The following WDR47 variants were observed in gnomAD, a reference collection of about 807,000 sequenced individuals.
The protein encoded by WDR47 is WD repeat-containing protein 47.
A neutral mutation model predicts 97.2 loss-of-function variants in WDR47; 32 were observed. The observed-to-expected ratio is 0.33, with a 90% CI of 0.25 to 0.44. WDR47 has a LOEUF of 0.44. WDR47 is among the 20% of genes least tolerant of loss of function. WDR47 has a pLI of 1.00. For synonymous variants in WDR47, 375 were observed against 373.5 expected (o/e 1.00, Z -0.05); for missense variants, 782 against 1,102.3 (o/e 0.71, Z 4.11).
At position 109,011,638 on chromosome 1, in the gene WDR47, C is replaced by T. The variant is rs367672260; in HGVS notation, c.408G>A (p.Lys136=). ...GAGGCAAAGTCAAAAGCAAACAGAGCTTACTATAGTCATCTTTAGAAGGAC... is the reference window on the plus strand; with the variant it reads ...GAGGCAAAGTCAAAAGCAAACAGAGTTTACTATAGTCATCTTTAGAAGGAC... ...EYCPSKDDYS[K]LCLLLTLPRL... The change falls in exon 5 of 15, where the codon AAG becomes AAA. Residue 136 remains lysine (K), a synonymous_variant. Coordinates refer to ENST00000369962, the MANE Select transcript of WDR47 (RefSeq NM_001142551.2). 1 of 1,614,152 alleles carries T rather than the reference C, an allele frequency of 6.2e-7. No homozygotes were observed. The highest frequency in any genetic ancestry group is 2.2e-5 in the East Asian group (1 of 44,890).
At chr1:109,013,404 T>C (rs1661185759) in intron 4 of WDR47, among the ~76,000 whole-genome samples, 1 of 152,132 alleles carries the variant, frequency 6.6e-6, no homozygotes, top group African/African-American at 2.4e-5. Flanking sequence ...TCAAAATGAA[T>C]TTAATTTCAT....
At chr1:109,022,588 T>A (rs998932376) in intron 2 of WDR47, among the ~76,000 whole-genome samples, 1 of 152,128 alleles carries the variant, frequency 6.6e-6, no homozygotes, top group Non-Finnish European at 1.5e-5. Flanking sequence ...TCCTTTTTTT[T>A]ATTTTTGTAT....
At position 109,025,378 on chromosome 1, in the gene WDR47, C is replaced by T. The variant is rs565149925; in HGVS notation, c.-9-1857G>A. ...CCCCAGAAGTTGAGGCTACAGTGAGCGGTGATCATACCACTGCACTCCAGC... is the reference window on the plus strand; with the variant it reads ...CCCCAGAAGTTGAGGCTACAGTGAGTGGTGATCATACCACTGCACTCCAGC... On this transcript the variant is annotated intron_variant, in intron 1 of 14. Coordinates refer to ENST00000369962, the MANE Select transcript of WDR47 (RefSeq NM_001142551.2). Among the ~76,000 whole-genome samples, 128 of 143,536 alleles carry T rather than the reference C, an allele frequency of 8.9e-4. 1 individual carries two copies. Among genetic ancestry groups the T allele is most frequent in the African/African-American group, 3.2e-3 (121 of 38,358 alleles). The allele number at this position is 143,536 out of a possible 152,430, so 94.2% of individuals were successfully genotyped here.
chr1:109,031,676 G>C (rs1662612740), intron 1 of WDR47, among the ~76,000 whole-genome samples: 1 of 138,284 alleles, frequency 7.2e-6, no homozygotes, highest in African/African-American at 2.6e-5. Context: ...ACTACTAGAA[G>C]GAATTAGTAA....
chr1:108,985,868 A>C (rs1386105274), intron 10 of WDR47, among the ~76,000 whole-genome samples: 2 of 152,074 alleles, frequency 1.3e-5, no homozygotes, highest in African/African-American at 4.8e-5. Context: ...AGCACCAGTA[A>C]ATTATAATAC....
At chr1:109,035,327 A>C (rs184111673) in intron 1 of WDR47, among the ~76,000 whole-genome samples, 3 of 151,622 alleles carry the variant, frequency 2.0e-5, no homozygotes, top group African/African-American at 7.2e-5. Context: ...TTATCTCTGA[A>C]GAAAGGCATG....
intron 1 of WDR47, among the ~76,000 whole-genome samples, chr1:109,037,591 C>T (rs1034219425): frequency 7.6e-5 from 11 of 143,922 alleles, no homozygotes; most frequent in African/African-American, 2.6e-4. Flanking sequence ...CGCACCACTG[C>T]ACTCCAGCCT....
intron 6 of WDR47, among the ~76,000 whole-genome samples, chr1:109,003,397 T>C (rs1660356913): frequency 6.6e-6 from 1 of 152,220 alleles, no homozygotes; most frequent in Non-Finnish European, 1.5e-5. Flanking sequence ...TTTAATTTTT[T>C]TCTTGCATTG....
At chr1:109,041,828 A>C (rs969336795) in intron 1 of WDR47, 34 bp downstream of exon 1, 56 of 152,364 alleles carry the variant, frequency 3.7e-4, no homozygotes, top group African/African-American at 1.3e-3. Flanking sequence ...TGTGCAGCGG[A>C]CCGACCCAGC....
intron 5 of WDR47, among the ~76,000 whole-genome samples, chr1:109,006,232 TA>T (rs1376882596): frequency 6.6e-6 from 1 of 152,050 alleles, no homozygotes; most frequent in African/African-American, 2.4e-5. Flanking sequence ...CCGTCTCTAC[TA>T]AAAATACAAA....
chr1:109,036,034 A>G (rs1427770404), intron 1 of WDR47, among the ~76,000 whole-genome samples: 1 of 152,106 alleles, frequency 6.6e-6, no homozygotes, highest in Non-Finnish European at 1.5e-5. Flanking sequence ...AAAATGAAAA[A>G]TATATACATA....
In WDR47 at chr1:109,029,875, C is replaced by CA. The variant is rs1423020814; in HGVS notation, c.-9-6355dup. On this transcript the variant is annotated intron_variant, in intron 1 of 14. Coordinates refer to ENST00000369962, the MANE Select transcript of WDR47 (RefSeq NM_001142551.2). ...TGGGCAACAGAGAAAGACTTCGTCT[C>CA]AAAAAAAAAAAAAGAAAGAAAGAAA... Among the ~76,000 whole-genome samples the CA allele has an allele frequency of 2.2e-3, 208 of 96,002 alleles. 1 individual carries two copies. Among genetic ancestry groups the CA allele is most frequent in the East Asian group, 9.8e-3 (35 of 3,554 alleles). The allele number at this position is 96,002 out of a possible 152,430, so 63.0% of individuals were successfully genotyped here.
At chr1:108,990,000 AT>A (rs1193110899) in intron 9 of WDR47, among the ~76,000 whole-genome samples, 7 of 152,010 alleles carry the variant, frequency 4.6e-5, no homozygotes, top group Non-Finnish European at 4.4e-5. Flanking sequence ...CAGCCTTAAA[AT>A]TTTTTTAAAT....
At chr1:109,004,516 T>G in intron 6 of WDR47, 76 bp downstream of exon 6, 1 of 1,465,288 alleles carries the variant, frequency 6.8e-7, no homozygotes, top group Non-Finnish European at 9.1e-7. Flanking sequence ...GAAAATTCTT[T>G]TTACATTCTA....
intron 1 of WDR47, among the ~76,000 whole-genome samples, chr1:109,034,975 A>G (rs1312388874): frequency 6.6e-6 from 1 of 151,990 alleles, no homozygotes; most frequent in Admixed American, 6.6e-5. Flanking sequence ...AAGGTCTGAG[A>G]CCGGGCACAG....
intron 1 of WDR47, among the ~76,000 whole-genome samples, chr1:109,030,481 C>G (rs1662545290): frequency 6.6e-6 from 1 of 152,046 alleles, no homozygotes; most frequent in Admixed American, 6.6e-5. Flanking sequence ...CCAAGAATTA[C>G]TATAAATATA....
At chr1:108,978,991 AG>A (rs1658136877) in intron 13 of WDR47, among the ~76,000 whole-genome samples, 1 of 152,224 alleles carries the variant, frequency 6.6e-6, no homozygotes, top group Non-Finnish European at 1.5e-5. Context: ...AAGAACTGGA[AG>A]GGGGATAAGG....
rs1659334044 is a variant in WDR47, at chr1:108,991,322, C to G, written c.1699G>C (p.Glu567Gln). 1.9e-6 allele frequency: 3 copies of G among 1,611,356 alleles called. No individual in the cohort carries two copies. Among genetic ancestry groups the G allele is most frequent in the Non-Finnish European group, 2.5e-6 (3 of 1,178,026 alleles). The change falls in exon 9 of 15, where the codon GAA (glutamate) becomes CAA (glutamine). Residue 567 changes from glutamate to glutamine, a missense_variant. By Grantham distance (29) the Glu-to-Gln change is conservative. This residue lies in a region of WDR47 where 126 missense variants were observed against 121.3 expected (regional missense o/e 1.04). Transcript: ENST00000369962. The part of the protein sequence containing the change: ...ESPCGSQISS[E>Q]HSVIKPPLGD... ...AGAGGTGGCTTAATGACCGAATGTT[C>G]TGAAGAGCTGTGGGAGTAGAAATTC...
At chr1:109,009,764 G>A (rs773914572) in intron 5 of WDR47, among the ~76,000 whole-genome samples, 9 of 151,948 alleles carry the variant, frequency 5.9e-5, no homozygotes, top group South Asian at 2.1e-4. Flanking sequence ...TTGGGAGGCC[G>A]AGGCGGGTGG....
Sources: allele counts gnomAD v4.1 joint callset (sites outside exome capture counted in the v4.1 genomes callset), GRCh38; gene constraint gnomAD v4.1.1; regional missense constraint gnomAD v4.1.1; transcripts MANE v1.5; gene names NCBI Gene and HGNC (gene_info 2026-07-23, HGNC 2026-07-21).